PACRG: variants seen among roughly 807,000 people sequenced by gnomAD.
The protein encoded by PACRG is parkin coregulated.
PACRG carries 29 observed loss-of-function variants against 29.7 expected under a neutral mutation model. That is an observed-to-expected ratio of 0.98 (90% CI 0.73 to 1.33). PACRG has a LOEUF of 1.33. Among genes scored for constraint, PACRG ranks in the 40% most tolerant of loss-of-function variants. The pLI, the probability that PACRG is intolerant of heterozygous loss-of-function variation, is 0.00. For synonymous variants in PACRG, 116 were observed against 118.7 expected (o/e 0.98, Z 0.15); for missense variants, 279 against 316.2 (o/e 0.88, Z 0.89).
intron 1 of PACRG, among the ~76,000 whole-genome samples, chr6:162,729,306 G>A (rs1779557437): frequency 2.0e-5 from 3 of 152,178 alleles, no homozygotes; most frequent in Admixed American, 6.5e-5. Context: ...TTATTACATG[G>A]CAATTCATTA....
chr6:163,282,688 G>A (rs1244133043), intron 4 of PACRG, among the ~76,000 whole-genome samples: 2 of 151,042 alleles, frequency 1.3e-5, no homozygotes, highest in Non-Finnish European at 2.9e-5. Context: ...CTCCAGCATG[G>A]GCAACAAGAG....
At chr6:162,735,938 T>C (rs1780132784) in intron 1 of PACRG, among the ~76,000 whole-genome samples, 1 of 152,210 alleles carries the variant, frequency 6.6e-6, no homozygotes, top group African/African-American at 2.4e-5. Context: ...GTAATTAAAG[T>C]AGAAAGCTTG....
At chr6:162,983,864 C>G (rs1802644752) in intron 2 of PACRG, among the ~76,000 whole-genome samples, 1 of 151,886 alleles carries the variant, frequency 6.6e-6, no homozygotes, top group Non-Finnish European at 1.5e-5. Flanking sequence ...TGAAGTGAGG[C>G]CAAGGAAGGT....
chr6:162,952,260 T>C (rs1799708468), intron 2 of PACRG, among the ~76,000 whole-genome samples: 1 of 152,190 alleles, frequency 6.6e-6, no homozygotes, highest in African/African-American at 2.4e-5. Context: ...CAGCACACTA[T>C]TGTAGGTCAT....
intron 2 of PACRG, among the ~76,000 whole-genome samples, chr6:162,871,953 A>C (rs967553415): frequency 5.9e-5 from 9 of 152,128 alleles, no homozygotes; most frequent in Admixed American, 2.6e-4. Flanking sequence ...CAAAACAAAA[A>C]AAAACAAAAG....
At chr6:163,131,654 ATGGCAGCTGT>A (rs1193947809) in intron 4 of PACRG, among the ~76,000 whole-genome samples, 1 of 89,016 alleles carries the variant, frequency 1.1e-5, no homozygotes, top group East Asian at 1.9e-4. Context: ...AGAAACTAAC[ATGGCAGCTGT>A]TGAATGTTAA....
In PACRG at chr6:163,269,991, GA is replaced by G. The variant is rs1562350536; in HGVS notation, c.614-44833del. Among the ~76,000 whole-genome samples the G allele has an allele frequency of 7.7e-4, 79 of 102,910 alleles. 3 individuals are homozygous for G. Among genetic ancestry groups the G allele is most frequent in the South Asian group, 4.9e-3 (13 of 2,648 alleles). 67.5% of individuals were successfully genotyped at this position (102,910 alleles called of 152,430 possible). A position where few individuals can be genotyped will look rare whatever the true frequency, so the allele number is the denominator to read the frequency against. On this transcript the variant is annotated intron_variant, in intron 4 of 4. Transcript: ENST00000366888. ...AGAAAGAAAGAAAGAAAGAAAGAAAGAAAGAAAGAAAGAAAGGAGGGAGGGA... is the reference window on the plus strand; with the variant it reads ...AGAAAGAAAGAAAGAAAGAAAGAAAGAAGAAAGAAAGAAAGGAGGGAGGGA...
intron 4 of PACRG, among the ~76,000 whole-genome samples, chr6:163,172,406 AT>A (rs1397699546): frequency 6.6e-6 from 1 of 152,222 alleles, no homozygotes; most frequent in Non-Finnish European, 1.5e-5. Flanking sequence ...TTGCTTAAGC[AT>A]TAGGAGAAAC....
chr6:163,068,482 C>CT (rs1554350061), intron 3 of PACRG, among the ~76,000 whole-genome samples: 14,708 of 132,760 alleles, frequency 0.11, 1,947 homozygotes, highest in African/African-American at 0.32. Flanking sequence ...TACTTTAATG[C>CT]TTTTTTTTTT....
upstream of PACRG, chr6:162,727,933 C>T: frequency 3.4e-6 from 2 of 591,470 alleles, no homozygotes; most frequent in Non-Finnish European, 6.0e-6. Context: ...AATCTTACGT[C>T]ACCGGGGGGC....
At chr6:163,041,220 C>A (rs1418344157) in intron 2 of PACRG, among the ~76,000 whole-genome samples, 1 of 152,024 alleles carries the variant, frequency 6.6e-6, no homozygotes, top group African/African-American at 2.4e-5. Flanking sequence ...GCCTGTAGTC[C>A]CAGCTACTTG....
intron 4 of PACRG, among the ~76,000 whole-genome samples, chr6:163,288,470 A>G (rs1333233384): frequency 6.6e-6 from 1 of 152,240 alleles, no homozygotes; most frequent in Non-Finnish European, 1.5e-5. Flanking sequence ...TCTGTTAAGC[A>G]GGATCAGTAC....
In PACRG at chr6:163,064,085, CT is replaced by C. The variant is rs34392826; in HGVS notation, c.463+1777del. ...TAGCAGCAATATTCGGACATATATCCTTTTTTTTTTTTTAAATCAATGCTTC... is the reference window on the plus strand; with the variant it reads ...TAGCAGCAATATTCGGACATATATCCTTTTTTTTTTTTAAATCAATGCTTC... On this transcript the variant is annotated intron_variant, in intron 3 of 4. Coordinates refer to ENST00000366888, the MANE Select transcript of PACRG (RefSeq NM_001080379.2). 8.5e-3 allele frequency among the ~76,000 whole-genome samples: 1,230 copies of C among 144,370 alleles called. 6 individuals carry two copies. Among genetic ancestry groups the C allele is most frequent in the African/African-American group, 0.017 (686 of 39,776 alleles). 94.7% of individuals were successfully genotyped at this position (144,370 alleles called of 152,430 possible). A position where few individuals can be genotyped will look rare whatever the true frequency, so the allele number is the denominator to read the frequency against.
Position 162,913,009 on chromosome 6 carries a change from A to T in PACRG, c.291+98728A>T, listed in dbSNP as rs1796419487. Among the ~76,000 whole-genome samples the T allele has an allele frequency of 1.3e-5, 2 of 152,204 alleles. 1 individual carries two copies. The highest frequency in any genetic ancestry group is 4.1e-4 in the South Asian group (2 of 4,832). ...TTCGACTTCATATAAAATTTTATGT[A>T]TATAAAATGTTTAAAGAAGTATGGC... On this transcript the variant is annotated intron_variant, in intron 2 of 4. Transcript: ENST00000366888.
chr6:162,901,226 G>A (rs113321195), intron 2 of PACRG, among the ~76,000 whole-genome samples: 1 of 152,160 alleles, frequency 6.6e-6, no homozygotes, highest in African/African-American at 2.4e-5. Flanking sequence ...AGCCGAAGCA[G>A]GTATATATTG....
At chr6:163,229,633 G>C (rs912893348) in intron 4 of PACRG, among the ~76,000 whole-genome samples, 1 of 152,158 alleles carries the variant, frequency 6.6e-6, no homozygotes, top group Non-Finnish European at 1.5e-5. Flanking sequence ...AGTTAGTCTC[G>C]TGACTTTTTT....
At chr6:162,852,171 G>A (rs2128427175) in intron 2 of PACRG, among the ~76,000 whole-genome samples, 1 of 152,294 alleles carries the variant, frequency 6.6e-6, no homozygotes, top group East Asian at 1.9e-4. Flanking sequence ...AGAACCCAGG[G>A]CTTGATCCTT....
In PACRG at chr6:163,133,361, T is replaced by C. The variant is rs146274021; in HGVS notation, c.613+43953T>C. On this transcript the variant is annotated intron_variant, in intron 4 of 4. Coordinates refer to ENST00000366888, the MANE Select transcript of PACRG (RefSeq NM_001080379.2). ...ATTTTAATCAATAACTACAAGTCTC[T>C]GCATCAAGGAGAAATGTGTACCTGA... Among the ~76,000 whole-genome samples the C allele has an allele frequency of 6.6e-4, 100 of 152,334 alleles. 1 individual carries two copies. In the East Asian group the frequency reaches 0.017, roughly 26 times the overall value.
intron 2 of PACRG, among the ~76,000 whole-genome samples, chr6:163,028,489 A>T (rs1259233372): frequency 6.6e-6 from 1 of 152,180 alleles, no homozygotes; most frequent in Admixed American, 6.5e-5. Flanking sequence ...AGCCATCCAC[A>T]AGGGCTTGCT....
Sources: gnomAD v4.1 joint callset for allele counts (sites outside exome capture counted in the v4.1 genomes callset) on GRCh38, gnomAD v4.1.1 for gene constraint, MANE v1.5 for transcripts, NCBI Gene and HGNC (gene_info 2026-07-23, HGNC 2026-07-21) for gene names.